Variants in GRM7 observed in about 807,000 individuals in gnomAD.
GRM7 encodes the protein metabotropic glutamate receptor 7.
A neutral mutation model predicts 84.5 loss-of-function variants in GRM7; 35 were observed. That is an observed-to-expected ratio of 0.41 (90% CI 0.32 to 0.55). The LOEUF (loss-of-function observed/expected upper bound fraction) is 0.55, where lower values mean the gene tolerates loss of function less well. GRM7 is among the 20% of genes least tolerant of loss of function. The pLI is 0.19. For synonymous variants in GRM7, 487 were observed against 455.1 expected, an observed-to-expected ratio of 1.07 and a Z score of -0.89; for missense variants, 1,003 against 1,194.6, an observed-to-expected ratio of 0.84 and a Z score of 2.36.
intron 2 of GRM7, among the ~76,000 whole-genome samples, chr3:7,170,804 A>G (rs4686117): frequency 0.32 from 48,027 of 152,058 alleles, 9,372 homozygotes; most frequent in East Asian, 0.57. Flanking sequence ...TTACAAAGGA[A>G]ATACTTGATG....
chr3:6,930,914 G>A, intron 1 of GRM7, among the ~76,000 whole-genome samples: 1 of 152,248 alleles, frequency 6.6e-6, no homozygotes, highest in Admixed American at 6.5e-5. Flanking sequence ...TTCCCACCTG[G>A]TCATTTTTCT....
At chr3:7,201,884 CT>C (rs1163691463) in intron 2 of GRM7, among the ~76,000 whole-genome samples, 1 of 152,134 alleles carries the variant, frequency 6.6e-6, no homozygotes, top group African/African-American at 2.4e-5. Context: ...GGAGTGCCCT[CT>C]TTATATAATG....
intron 7 of GRM7, among the ~76,000 whole-genome samples, chr3:7,466,843 C>G (rs1698479099): frequency 6.6e-6 from 1 of 152,120 alleles, no homozygotes; most frequent in Non-Finnish European, 1.5e-5. Flanking sequence ...TTGACTTTTT[C>G]TGGTGATTTG....
chr3:7,127,310 A>G (rs1346981670), intron 1 of GRM7, among the ~76,000 whole-genome samples: 2 of 152,216 alleles, frequency 1.3e-5, no homozygotes, highest in African/African-American at 4.8e-5. Context: ...GATGATTCCA[A>G]TGAAGTGTTC....
At chr3:7,322,949 C>T (rs1575166701) in intron 4 of GRM7, among the ~76,000 whole-genome samples, 1 of 152,080 alleles carries the variant, frequency 6.6e-6, no homozygotes, top group East Asian at 1.9e-4. Context: ...TCCTTAGAAG[C>T]AGAGTCGAAC....
chr3:7,082,407 A>G (rs1007231500), intron 1 of GRM7, among the ~76,000 whole-genome samples: 1 of 149,702 alleles, frequency 6.7e-6, no homozygotes, highest in Non-Finnish European at 1.5e-5. Flanking sequence ...ACTACTCGGT[A>G]AAAAAAAAGA....
At chr3:7,439,199 C>G (rs1046707925) in intron 5 of GRM7, among the ~76,000 whole-genome samples, 1 of 152,104 alleles carries the variant, frequency 6.6e-6, no homozygotes, top group African/African-American at 2.4e-5. Flanking sequence ...TGAGCAGAGA[C>G]AATGACCACT....
chr3:7,071,937 G>A (rs1019783871), intron 1 of GRM7, among the ~76,000 whole-genome samples: 1 of 151,764 alleles, frequency 6.6e-6, no homozygotes, highest in African/African-American at 2.4e-5. Context: ...TCAGAGAACG[G>A]TCTACCAAAA....
At chr3:6,866,842 G>A (rs892441207) in intron 1 of GRM7, among the ~76,000 whole-genome samples, 1 of 152,186 alleles carries the variant, frequency 6.6e-6, no homozygotes, top group African/African-American at 2.4e-5. Context: ...TGGTTCCTTT[G>A]TAATCGTTTG....
chr3:7,282,923 AACCAACAGTG>A (rs1699304992), intron 2 of GRM7, among the ~76,000 whole-genome samples: 1 of 152,202 alleles, frequency 6.6e-6, no homozygotes, highest in Non-Finnish European at 1.5e-5. Flanking sequence ...TCCAAGGATT[AACCAACAGTG>A]GAGCCCTCGG....
At chr3:7,462,430 A>G (rs1425588775) in intron 7 of GRM7, among the ~76,000 whole-genome samples, 1 of 152,234 alleles carries the variant, frequency 6.6e-6, no homozygotes, top group Non-Finnish European at 1.5e-5. Context: ...CACACCTAGA[A>G]TATTCGACCA....
At chr3:7,502,361 G>T (rs1018855858) in intron 7 of GRM7, among the ~76,000 whole-genome samples, 5 of 152,090 alleles carry the variant, frequency 3.3e-5, no homozygotes, top group Admixed American at 6.6e-5. Flanking sequence ...CCTTCTTCTA[G>T]TTGATTTTCA....
chr3:7,100,976 T>C (rs57264682), intron 1 of GRM7, among the ~76,000 whole-genome samples: 4,392 of 117,188 alleles, frequency 0.037, 205 homozygotes, highest in African/African-American at 0.16. Context: ...ATTAATATAC[T>C]AAAGATTTTT....
intron 6 of GRM7, among the ~76,000 whole-genome samples, chr3:7,455,290 G>A (rs902637652): frequency 1.3e-5 from 2 of 152,082 alleles, no homozygotes; most frequent in African/African-American, 2.4e-5. Flanking sequence ...ATTTTTTTAG[G>A]CAAGAATCAT....
chr3:7,537,298 C>A (rs755040441), intron 7 of GRM7, among the ~76,000 whole-genome samples: 1 of 152,138 alleles, frequency 6.6e-6, no homozygotes, highest in Admixed American at 6.5e-5. Flanking sequence ...AAGGTATCTA[C>A]CCTCTTAACT....
chr3:7,440,087 A>C (rs764222652), intron 5 of GRM7, among the ~76,000 whole-genome samples: 3 of 152,196 alleles, frequency 2.0e-5, no homozygotes, highest in Non-Finnish European at 4.4e-5. Flanking sequence ...GAGAATTGGC[A>C]CACAGGGATG....
At position 7,676,551 on chromosome 3, in the gene GRM7, C is replaced by A. The variant is rs139457529; in HGVS notation, c.2452-3498C>A. Among the ~76,000 whole-genome samples, 523 of 151,554 alleles carry A rather than the reference C, an allele frequency of 3.5e-3. 1 individual carries two copies. Among genetic ancestry groups the A allele is most frequent in the Middle Eastern group, 0.014 (4 of 294 alleles). On this transcript the variant is annotated intron_variant, in intron 8 of 9. Transcript: ENST00000357716. ...TCCGCTCTCTGCAACCTGTGCCTCC[C>A]AGATTCAAGTGATTCTCTTGGCTCA...
At chr3:7,644,120 T>TTGTTG (rs55748562) in intron 8 of GRM7, among the ~76,000 whole-genome samples, 3,787 of 119,838 alleles carry the variant, frequency 0.032, 224 homozygotes, top group African/African-American at 0.092. Flanking sequence ...ACTGTGCATG[T>TTGTTG]TGTGTGTGTG....
chr3:7,390,432 A>C (rs147262793), intron 4 of GRM7, among the ~76,000 whole-genome samples: 17 of 152,250 alleles, frequency 1.1e-4, no homozygotes, highest in African/African-American at 4.1e-4. Context: ...TTATATCCTC[A>C]CATATTGTTT....
Sources: gnomAD v4.1 joint callset for allele counts (sites outside exome capture counted in the v4.1 genomes callset) on GRCh38, gnomAD v4.1.1 for gene constraint, MANE v1.5 for transcripts, NCBI Gene and HGNC (gene_info 2026-07-23, HGNC 2026-07-21) for gene names.